Variants in ARL10 observed in about 807,000 individuals in gnomAD.
ARL10 encodes the protein ADP-ribosylation factor-like protein 10.
Under a neutral mutation model 26.1 loss-of-function variants are expected in ARL10, and 23 were observed. The ratio of observed to expected loss-of-function variants is 0.88; its 90% CI spans 0.63 to 1.25. The LOEUF is 1.25. ARL10 is among the 50% of genes most tolerant of loss of function. ARL10 has a pLI of 0.00. For missense variants in ARL10, 300 were observed against 323.6 expected (o/e 0.93, Z 0.56); for synonymous variants, 138 against 149.1 (o/e 0.93, Z 0.54).
chr5:176,400,008 ATGG>A (rs1756736347), intron 1 of ARL10, among the ~76,000 whole-genome samples: 1 of 152,154 alleles, frequency 6.6e-6, no homozygotes, highest in Non-Finnish European at 1.5e-5. Flanking sequence ...CCTGACCAAC[ATGG>A]TGAAACCCCA....
chr5:176,410,673 C>T, the ARL10 span, among the ~76,000 whole-genome samples: 1 of 152,200 alleles, frequency 6.6e-6, no homozygotes, highest in Non-Finnish European at 1.5e-5. Context: ...GCCAGATTAC[C>T]TGTGAAGCCT....
At chr5:176,400,957 G>A (rs1021058593) in intron 1 of ARL10, among the ~76,000 whole-genome samples, 1 of 152,226 alleles carries the variant, frequency 6.6e-6, no homozygotes, top group Non-Finnish European at 1.5e-5. Context: ...TGCCTGGGGA[G>A]TGAGGGAAGG....
downstream of ARL10, chr5:176,388,778 G>A (rs201379910): frequency 6.2e-7 from 1 of 1,600,156 alleles, no homozygotes; most frequent in East Asian, 2.2e-5. Context: ...CCGGGAGGCT[G>A]AGGTCGGAGT....
chr5:176,375,632 C>A lies in ARL10; in HGVS notation c.*3737C>A, dbSNP rs530138036. 6.6e-6 allele frequency: 1 copy of A among 152,120 alleles called. No homozygotes were observed. Among genetic ancestry groups the A allele is most frequent in the African/African-American group, 2.4e-5 (1 of 41,434 alleles). The allele number at this position is 152,120 out of a possible 1,614,324, so 9.4% of individuals were successfully genotyped here. A position where few individuals can be genotyped will look rare whatever the true frequency, so the allele number is the denominator to read the frequency against. Reference sequence around the variant, plus strand: ...CAGGTGAAACAGCAAGATCTGAAGTCAGGACAGAGTAAGCAAATTATCCAC... The same window carrying A: ...CAGGTGAAACAGCAAGATCTGAAGTAAGGACAGAGTAAGCAAATTATCCAC... On this transcript the variant is annotated 3_prime_UTR_variant, in exon 4 of 4. Coordinates refer to ENST00000310389, the MANE Select transcript of ARL10 (RefSeq NM_173664.6).
At chr5:176,403,797 T>C (rs1234514805), downstream of ARL10, among the ~76,000 whole-genome samples, 1 of 151,990 alleles carries the variant, frequency 6.6e-6, no homozygotes, top group Non-Finnish European at 1.5e-5. Flanking sequence ...TCTCGCTCTG[T>C]TGTCCAGGCT....
At chr5:176,385,348 G>A (rs1461360674), downstream of ARL10, 9 of 1,369,784 alleles carry the variant, frequency 6.6e-6, no homozygotes, top group Middle Eastern at 1.8e-4. Context: ...GAGAGAAGCG[G>A]GGAGACAGGG....
chr5:176,365,626 C>G lies in ARL10; in HGVS notation c.63C>G (p.Gly21=), dbSNP rs1291443647. ...TGGGCGGCGCCGCGGCGGTGCTGGG[C>G]TCGGTGCTCTTCATCCTCTGGAAGA... ...LALGGAAAVL[G]SVLFILWKTY... Residue 21 remains glycine, a synonymous_variant, in exon 1 of 4, where the codon GGC becomes GGG. Transcript: ENST00000310389. 1.6e-6 allele frequency: 2 copies of G among 1,261,398 alleles called. No homozygotes were observed. Among genetic ancestry groups the G allele is most frequent in the Non-Finnish European group, 2.0e-6 (2 of 1,004,280 alleles). 78.1% of individuals were successfully genotyped at this position (1,261,398 alleles called of 1,614,324 possible).
chr5:176,366,484 G>A lies in ARL10; in HGVS notation c.288G>A (p.Val96=), dbSNP rs1321950276. The A allele has an allele frequency of 4.3e-6, 7 of 1,613,960 alleles. No homozygotes were observed. The highest frequency in any genetic ancestry group is 1.3e-5 in the African/African-American group (1 of 74,956). ...CAGGCAAGAGCACGTTCCTGCGCGT[G>A]TTGTCGGGGAAGCCACCGCTGGAAG... The part of the protein sequence containing the change: ...DGAGKSTFLR[V]LSGKPPLEGH... The change falls in exon 2 of 4, where the codon GTG becomes GTA. Residue 96 remains valine (V), a synonymous_variant. Coordinates refer to ENST00000310389, the MANE Select transcript of ARL10 (RefSeq NM_173664.6).
rs928376136 is a variant in ARL10 at position 176,368,448 on chromosome 5, G to C, written c.386-359G>C. 2.0e-5 allele frequency among the ~76,000 whole-genome samples: 3 copies of C among 152,098 alleles called. No individual in the cohort carries two copies. The highest frequency in any genetic ancestry group is 3.9e-4 in the East Asian group (2 of 5,194). On this transcript the variant is annotated intron_variant, in intron 2 of 3. Coordinates refer to ENST00000310389, the MANE Select transcript of ARL10 (RefSeq NM_173664.6). This position sits in a 1 kb window ranked among gnomAD's most constrained non-coding sequence, Gnocchi z 4.1. ...CCATTTACTGAGCACCTGTGTGTCAGTCCCGTGAAAGGTACATCGCACGTG... is the reference window on the plus strand; with the variant it reads ...CCATTTACTGAGCACCTGTGTGTCACTCCCGTGAAAGGTACATCGCACGTG...
In ARL10 at chr5:176,375,258, A is replaced by C. The variant is rs71591832; in HGVS notation, c.*3363A>C. ...CATCCATCCATCCATCCTTCCATCC[A>C]TCCACCCATCCACCCATCCATCCAT... is the stretch of plus-strand genomic sequence containing the variant. On this transcript the variant is annotated 3_prime_UTR_variant, in exon 4 of 4. Transcript: ENST00000310389. The C allele has an allele frequency of 1.2e-5, 1 of 86,732 alleles. No homozygotes were observed. Among genetic ancestry groups the C allele is most frequent in the Non-Finnish European group, 2.6e-5 (1 of 38,114 alleles). The allele number at this position is 86,732 out of a possible 1,614,324, so 5.4% of individuals were successfully genotyped here.
At chr5:176,369,788 T>C (rs368489076) in intron 3 of ARL10, among the ~76,000 whole-genome samples, 2 of 151,892 alleles carry the variant, frequency 1.3e-5, no homozygotes, top group African/African-American at 4.8e-5. Flanking sequence ...AAACTCCGTC[T>C]CTACAAAAAA....
intron 3 of ARL10, chr5:176,369,263 T>C (rs946735788): frequency 2.3e-6 from 3 of 1,319,068 alleles, no homozygotes; most frequent in East Asian, 3.7e-5. Flanking sequence ...GACAGAGTCT[T>C]GTTCTGTCGC....
At chr5:176,384,079 G>A (rs41275271), downstream of ARL10, 118 of 1,591,820 alleles carry the variant, frequency 7.4e-5, no homozygotes, top group Non-Finnish European at 9.2e-5. Flanking sequence ...TCCCCAGAGC[G>A]GGGAGTGTGC....
chr5:176,382,716 A>C (rs534783153), downstream of ARL10, among the ~76,000 whole-genome samples: 2 of 152,266 alleles, frequency 1.3e-5, no homozygotes, highest in South Asian at 4.1e-4. Flanking sequence ...GGCCATGATC[A>C]TGTCACTGCA....
chr5:176,371,628 G>A, intron 3 of ARL10, 94 bp from the exon 4 acceptor site: 1 of 860,136 alleles, frequency 1.2e-6, no homozygotes. Flanking sequence ...TATTCCCGGG[G>A]ATAGCCTAAG....
intron 2 of ARL10, among the ~76,000 whole-genome samples, chr5:176,367,000 G>GT (rs1649729708): frequency 2.1e-5 from 3 of 139,820 alleles, no homozygotes; most frequent in African/African-American, 8.3e-5. Flanking sequence ...CACCTTTCTA[G>GT]TCTTTTTTTT....
intron 1 of ARL10, chr5:176,388,225 A>T: frequency 1.3e-6 from 2 of 1,588,150 alleles, no homozygotes; most frequent in Non-Finnish European, 1.7e-6. Context: ...AGACCCTGCC[A>T]TGTCAGTACC....
chr5:176,385,320 C>A (rs1310965446), downstream of ARL10: 9 of 1,599,146 alleles, frequency 5.6e-6, no homozygotes, highest in Non-Finnish European at 7.7e-6. Flanking sequence ...TGGCTTCTGC[C>A]TCCAGGTCTG....
rs1768593033 is a variant in ARL10, at chr5:176,373,028, G to A, written c.*1133G>A. 6 of 398,604 alleles carry A rather than the reference G, an allele frequency of 1.5e-5. No homozygotes were observed. In the Admixed American group the frequency reaches 2.2e-4, roughly 15 times the overall value. 24.7% of individuals were successfully genotyped at this position (398,604 alleles called of 1,614,324 possible). On this transcript the variant is annotated 3_prime_UTR_variant, in exon 4 of 4. Transcript: ENST00000310389. Reference sequence around the variant, plus strand: ...CATAGTACTTTACATGGATTCACATGAACTGAAACGCCACCACTTGGCCCA... The same window carrying A: ...CATAGTACTTTACATGGATTCACATAAACTGAAACGCCACCACTTGGCCCA...
Sources: gnomAD v4.1 joint callset for allele counts (sites outside exome capture counted in the v4.1 genomes callset) on GRCh38, gnomAD v4.1.1 for gene constraint, Gnocchi (gnomAD v3.1) non-coding constraint, MANE v1.5 for transcripts, NCBI Gene and HGNC (gene_info 2026-07-23, HGNC 2026-07-21) for gene names.